The following PI4KA variants were observed in gnomAD, a reference collection of about 807,000 sequenced individuals.
PI4KA encodes the protein phosphatidylinositol 4-kinase alpha, also known as PI4-kinase alpha.
A neutral mutation model predicts 271.4 loss-of-function variants in PI4KA; 122 were observed. The ratio of observed to expected loss-of-function variants is 0.45; its 90% CI spans 0.39 to 0.52. The LOEUF is 0.52. PI4KA is among the 20% of genes least tolerant of loss of function. The pLI is 0.00. For synonymous variants in PI4KA, 1,041 were observed against 1,078.8 expected, an observed-to-expected ratio of 0.96 and a Z score of 0.69; for missense variants, 1,969 against 2,769.1, an observed-to-expected ratio of 0.71 and a Z score of 6.48.
intron 19 of PI4KA, chr22:20,779,815 G>C (rs1160878224): frequency 1.2e-6 from 2 of 1,614,196 alleles, no homozygotes; most frequent in Non-Finnish European, 1.7e-6. Flanking sequence ...ATTTCCTTAG[G>C]TCTGAAGGGA....
rs748910128 is a variant in PI4KA at position 20,729,377 on chromosome 22, A to G, written c.4618T>C (p.Trp1540Arg). ...SKYISLSEKQ[W>R]KDNVNLAWSI... ...CAGGCGAGGTTCACGTTGTCCTTCCACTGCTTCTCACTCAGGCTGATGTAC... is the reference window on the plus strand; with the variant it reads ...CAGGCGAGGTTCACGTTGTCCTTCCGCTGCTTCTCACTCAGGCTGATGTAC... Residue 1540 changes from tryptophan (W) to arginine (R), a missense_variant, in exon 39 of 55, where the codon TGG (tryptophan) becomes CGG (arginine). Coordinates refer to ENST00000255882, the MANE Select transcript of PI4KA (RefSeq NM_058004.4). 1.2e-6 allele frequency: 2 copies of G among 1,614,038 alleles called. No individual in the cohort carries two copies. The highest frequency in any genetic ancestry group is 1.7e-6 in the Non-Finnish European group (2 of 1,179,994).
intron 12 of PI4KA, 23 bp downstream of exon 12, chr22:20,804,277 T>A: frequency 6.5e-7 from 1 of 1,543,736 alleles, no homozygotes; most frequent in Non-Finnish European, 9.0e-7. Context: ...GATCTGAGCC[T>A]CTCTGGGTTC....
intron 13 of PI4KA, 126 bp downstream of exon 13, chr22:20,803,065 G>A: frequency 1.0e-6 from 1 of 982,014 alleles, no homozygotes; most frequent in Non-Finnish European, 1.6e-6. Context: ...GGACGCAAAG[G>A]GAAAGACAGA....
chr22:20,741,464 A>G (rs1373736634), intron 32 of PI4KA, among the ~76,000 whole-genome samples: 1 of 152,144 alleles, frequency 6.6e-6, no homozygotes, highest in Admixed American at 6.5e-5. Flanking sequence ...CTGACTAGAC[A>G]ACCTCCCCCA....
intron 1 of PI4KA, 125 bp from the exon 2 acceptor site, chr22:20,838,856 T>A (rs1925208117): frequency 4.9e-6 from 3 of 613,084 alleles, no homozygotes; most frequent in Non-Finnish European, 8.8e-6. Flanking sequence ...GGTGGGAGGA[T>A]AACTTGAGTT....
intron 3 of PI4KA, among the ~76,000 whole-genome samples, chr22:20,830,120 G>T (rs1446979253): frequency 6.6e-6 from 1 of 152,196 alleles, no homozygotes; most frequent in East Asian, 1.9e-4. Flanking sequence ...TGCTGCTTTC[G>T]AGTGGAGTGT....
At chr22:20,718,233 A>T (rs963950966) in intron 44 of PI4KA, among the ~76,000 whole-genome samples, 8 of 152,206 alleles carry the variant, frequency 5.3e-5, no homozygotes, top group Non-Finnish European at 1.2e-4. Context: ...CCAGGGTTTC[A>T]TCCCTTATGA....
At chr22:20,816,786 G>C (rs1385030616) in intron 7 of PI4KA, among the ~76,000 whole-genome samples, 1 of 152,232 alleles carries the variant, frequency 6.6e-6, no homozygotes, top group African/African-American at 2.4e-5. Flanking sequence ...AGCCAAGTCT[G>C]ATGGAGTGAT....
At chr22:20,783,435 TAAAA>T (rs362069) in intron 19 of PI4KA, among the ~76,000 whole-genome samples, 19 of 136,048 alleles carry the variant, frequency 1.4e-4, no homozygotes, top group Admixed American at 2.9e-4. Context: ...CATCTACAAT[TAAAA>T]AAAAAAAAAA....
Position 20,813,488 on chromosome 22 carries a change from C to A in PI4KA, c.875G>T (p.Gly292Val), listed in dbSNP as rs1164461928. 6.2e-7 allele frequency: 1 copy of A among 1,613,802 alleles called. No homozygotes were observed. The highest frequency in any genetic ancestry group is 2.2e-5 in the East Asian group (1 of 44,884). Reference protein sequence around the residue: ...HYFEASCLPDGTALEPEYYFS... With the variant: ...HYFEASCLPDVTALEPEYYFS... ...GTAGTACTCAGGCTCTAGGGCAGTCCCATCGGGCAAGCAGGAGGCTGGTGG... is the reference window on the plus strand; with the variant it reads ...GTAGTACTCAGGCTCTAGGGCAGTCACATCGGGCAAGCAGGAGGCTGGTGG... The change falls in exon 8 of 55, where the codon GGG becomes GTG. Residue 292 changes from glycine to valine, a missense_variant. Physicochemically the swap from Gly to Val is moderately radical, Grantham distance 109. Around this residue, in one of 13 missense-constraint regions of PI4KA, gnomAD observed 540 missense variants for 555.5 expected, o/e 0.97. Transcript: ENST00000255882.
chr22:20,751,228 C>G, intron 27 of PI4KA, 65 bp downstream of exon 27: 1 of 1,324,498 alleles, frequency 7.6e-7, no homozygotes, highest in South Asian at 1.3e-5. Flanking sequence ...TTGACCATCT[C>G]GTGGAAATAC....
chr22:20,856,403 T>C (rs1927599476), intron 1 of PI4KA, among the ~76,000 whole-genome samples: 1 of 152,062 alleles, frequency 6.6e-6, no homozygotes. Flanking sequence ...AACCTGTGGC[T>C]ATGGCTGTGT....
intron 32 of PI4KA, among the ~76,000 whole-genome samples, 155 bp downstream of exon 32, chr22:20,742,073 C>G (rs1181554648): frequency 2.6e-5 from 4 of 152,192 alleles, no homozygotes; most frequent in African/African-American, 9.7e-5. Flanking sequence ...CTGTGACTGT[C>G]AGGTATAATA....
chr22:20,790,860 T>C lies in PI4KA; in HGVS notation c.2328+2333A>G, dbSNP rs189675093. ...TTGTTGAGCAATAAAATCAAATATT[T>C]GTTTCCTCCTCCATAATATAACCAT... On this transcript the variant is annotated intron_variant, in intron 19 of 54. Transcript: ENST00000255882. 2.4e-3 allele frequency among the ~76,000 whole-genome samples: 369 copies of C among 152,176 alleles called. 2 individuals are homozygous for C. The highest frequency in any genetic ancestry group is 6.5e-3 in the Admixed American group (99 of 15,292).
At chr22:20,772,630 G>A (rs920520226) in intron 19 of PI4KA, among the ~76,000 whole-genome samples, 10 of 152,244 alleles carry the variant, frequency 6.6e-5, no homozygotes, top group South Asian at 2.1e-4. Context: ...TTGCACACCC[G>A]CAGATTCTCC....
rs1334667531 is a variant in PI4KA, at chr22:20,858,625, G to A, written c.101C>T (p.Thr34Met). The change falls in exon 1 of 55, where the codon ACG becomes ATG. Residue 34 changes from threonine to methionine, a missense_variant. Coordinates refer to ENST00000255882, the MANE Select transcript of PI4KA (RefSeq NM_058004.4). ...CAGGGAGCGGGCCAGTGACAGGACC[G>A]TGTTGAAATAGAAGCCCCGCGAGGC... is the stretch of plus-strand genomic sequence containing the variant. ...SSASRGFYFN[T>M]VLSLARSLAV... The A allele has an allele frequency of 4.7e-6, 7 of 1,487,678 alleles. No homozygotes were observed. Among genetic ancestry groups the A allele is most frequent in the South Asian group, 1.3e-5 (1 of 78,850 alleles). The allele number at this position is 1,487,678 out of a possible 1,614,324, so 92.2% of individuals were successfully genotyped here. A position where few individuals can be genotyped will look rare whatever the true frequency, so the allele number is the denominator to read the frequency against.
At chr22:20,794,611 G>C (rs908244156) in intron 18 of PI4KA, among the ~76,000 whole-genome samples, 2 of 152,154 alleles carry the variant, frequency 1.3e-5, no homozygotes, top group Non-Finnish European at 2.9e-5. Flanking sequence ...TTCACAGGGG[G>C]ACTCCTTCAT....
chr22:20,728,307 A>G (rs1012079242), intron 39 of PI4KA, among the ~76,000 whole-genome samples: 3 of 152,224 alleles, frequency 2.0e-5, no homozygotes, highest in African/African-American at 7.2e-5. Flanking sequence ...TAAATGTTCT[A>G]TTATGCCACT....
intron 50 of PI4KA, 41 bp downstream of exon 50, chr22:20,712,445 A>G (rs1601309593): frequency 6.2e-7 from 1 of 1,601,464 alleles, no homozygotes; most frequent in Non-Finnish European, 8.5e-7. Flanking sequence ...GGTGGGGTGG[A>G]GCACACACGA....
Sources: gnomAD v4.1 joint callset for allele counts (sites outside exome capture counted in the v4.1 genomes callset) on GRCh38, gnomAD v4.1.1 for gene constraint, gnomAD v4.1.1 regional missense constraint, MANE v1.5 for transcripts, NCBI Gene and HGNC (gene_info 2026-07-23, HGNC 2026-07-21) for gene names.